The following HIVEP3 variants were observed in gnomAD, a reference collection of about 807,000 sequenced individuals.
The protein encoded by HIVEP3 is transcription factor HIVEP3.
Under a neutral mutation model 152.8 loss-of-function variants are expected in HIVEP3, and 49 were observed. That is an observed-to-expected ratio of 0.32 (90% CI 0.26 to 0.41). The LOEUF (loss-of-function observed/expected upper bound fraction) is 0.41, where lower values mean the gene tolerates loss of function less well. HIVEP3 is among the 10% of genes least tolerant of loss of function. The pLI is 1.00. For synonymous variants in HIVEP3, 1,269 were observed against 1,289.0 expected (o/e 0.98, Z 0.33); for missense variants, 2,790 against 3,103.3 (o/e 0.90, Z 2.40).
intron 1 of HIVEP3, among the ~76,000 whole-genome samples, chr1:42,022,694 A>G (rs1438160326): frequency 6.6e-6 from 1 of 152,184 alleles, no homozygotes; most frequent in Non-Finnish European, 1.5e-5. Flanking sequence ...CCACTTTTAT[A>G]TATCTCTTCT....
intron 1 of HIVEP3, among the ~76,000 whole-genome samples, chr1:41,916,126 T>A (rs1021879165): frequency 1.3e-5 from 2 of 152,196 alleles, no homozygotes; most frequent in African/African-American, 4.8e-5. Flanking sequence ...ACTAAATGCA[T>A]CTTCTTCTTG....
At chr1:41,520,005 T>A (rs1357709409) in intron 6 of HIVEP3, among the ~76,000 whole-genome samples, 1 of 151,856 alleles carries the variant, frequency 6.6e-6, no homozygotes. Flanking sequence ...GACAGAAGGA[T>A]GAAAGAATGG....
At chr1:41,614,779 T>G (rs1159153274) in intron 3 of HIVEP3, among the ~76,000 whole-genome samples, 6 of 152,184 alleles carry the variant, frequency 3.9e-5, no homozygotes, top group African/African-American at 1.4e-4. Flanking sequence ...TATACAGCAG[T>G]CAGAGGAAGA....
chr1:41,954,089 A>C (rs1291580950), intron 1 of HIVEP3, among the ~76,000 whole-genome samples: 5 of 152,176 alleles, frequency 3.3e-5, no homozygotes, highest in African/African-American at 1.2e-4. Flanking sequence ...CGCAGGGCCC[A>C]CCCGCAAGGT....
At chr1:41,720,063 G>A (rs941217921) in intron 1 of HIVEP3, among the ~76,000 whole-genome samples, 33 of 152,186 alleles carry the variant, frequency 2.2e-4, no homozygotes, top group African/African-American at 7.7e-4. Context: ...AGCTCCAGAG[G>A]CCCAGTTCTG....
chr1:41,520,880 G>A (rs1391022639), intron 6 of HIVEP3, among the ~76,000 whole-genome samples: 1 of 152,180 alleles, frequency 6.6e-6, no homozygotes, highest in Non-Finnish European at 1.5e-5. Flanking sequence ...CATTAGACAA[G>A]ATCACTGGCT....
intron 1 of HIVEP3, among the ~76,000 whole-genome samples, chr1:41,917,943 A>G (rs1644896685): frequency 6.6e-6 from 1 of 152,218 alleles, no homozygotes; most frequent in Non-Finnish European, 1.5e-5. Flanking sequence ...AACAATCCGG[A>G]GCAGCAGCCA....
intron 1 of HIVEP3, among the ~76,000 whole-genome samples, chr1:41,980,239 C>T (rs539060376): frequency 3.5e-4 from 53 of 152,258 alleles, no homozygotes; most frequent in African/African-American, 1.2e-3. Context: ...AATATGTCCA[C>T]GTAAAGACTT....
At chr1:41,937,717 G>A (rs1645026609) in intron 1 of HIVEP3, among the ~76,000 whole-genome samples, 1 of 152,218 alleles carries the variant, frequency 6.6e-6, no homozygotes, top group Non-Finnish European at 1.5e-5. Flanking sequence ...AGCCAGGCCT[G>A]AGGGTATCCC....
chr1:41,576,274 C>T (rs1644325994), intron 4 of HIVEP3, among the ~76,000 whole-genome samples: 1 of 152,222 alleles, frequency 6.6e-6, no homozygotes, highest in South Asian at 2.1e-4. Flanking sequence ...CCCTGACCAG[C>T]AGGACGTCCC....
At chr1:41,970,131 G>A (rs778911308) in intron 1 of HIVEP3, among the ~76,000 whole-genome samples, 30 of 152,184 alleles carry the variant, frequency 2.0e-4, no homozygotes, top group Non-Finnish European at 4.1e-4. Flanking sequence ...ACAGTGTGGT[G>A]ATTCCTCAAA....
At chr1:41,784,036 G>A (rs1352510944) in intron 1 of HIVEP3, among the ~76,000 whole-genome samples, 1 of 152,216 alleles carries the variant, frequency 6.6e-6, no homozygotes, top group African/African-American at 2.4e-5. Context: ...GGAGTAGGTA[G>A]GGAAGAAGGA....
At chr1:41,544,844 TACCACCACCACCACC>T (rs1309800542) in intron 5 of HIVEP3, among the ~76,000 whole-genome samples, 75 of 11,828 alleles carry the variant, frequency 6.3e-3, no homozygotes, top group East Asian at 0.016. Context: ...CCACCACCAC[TACCACCACCACCACC>T]ACCACCACCA....
At chr1:41,648,153 C>T (rs1363350252) in intron 2 of HIVEP3, among the ~76,000 whole-genome samples, 1 of 152,208 alleles carries the variant, frequency 6.6e-6, no homozygotes, top group African/African-American at 2.4e-5. Flanking sequence ...AACGAATGCC[C>T]GGGCCTCACC....
rs1463740666 is a variant in HIVEP3, at chr1:41,583,514, C to A, written c.1284G>T (p.Arg428=). Reference sequence around the variant, plus strand: ...TGGAGGTGGCTGTCAGCATGGCGGTCCGCTGTCCTATTCGCCCACACTTGC... The same window carrying A: ...TGGAGGTGGCTGTCAGCATGGCGGTACGCTGTCCTATTCGCCCACACTTGC... ...IFGKCGRIGQ[R]TAMLTATSTQ... Residue 428 remains arginine, a synonymous_variant, in exon 4 of 9, where the codon CGG becomes CGT. Transcript: ENST00000372583. The surrounding 1 kb of genome is among the most constrained non-coding windows in gnomAD (Gnocchi z 6.9). The A allele has an allele frequency of 1.8e-5, 29 of 1,613,866 alleles. No individual in the cohort carries two copies. The highest frequency in any genetic ancestry group is 2.4e-5 in the Non-Finnish European group (28 of 1,179,960).
rs769482131 is a variant in HIVEP3 at position 41,581,914 on chromosome 1, G to T, written c.2884C>A (p.Pro962Thr). The T allele has an allele frequency of 9.3e-6, 15 of 1,614,034 alleles. No homozygotes were observed. The Admixed American group carries it at 2.5e-4, about 27-fold the overall frequency. Residue 962 changes from proline to threonine, a missense_variant, in exon 4 of 9, where the codon CCC becomes ACC. Pro to Thr is a conservative substitution (Grantham distance 38). This residue lies in a region of HIVEP3 where 1,078 missense variants were observed against 1,165.3 expected (regional missense o/e 0.93). Transcript: ENST00000372583. The surrounding 1 kb of genome is among the most constrained non-coding windows in gnomAD (Gnocchi z 4.5). ...DDHGKAEAPS[P>T]SSDMRPKPLG... ...GGTTTGGGGCGCATGTCAGATGAGGGACTGGGGGCCTCGGCTTTCCCATGG... is the reference window on the plus strand; with the variant it reads ...GGTTTGGGGCGCATGTCAGATGAGGTACTGGGGGCCTCGGCTTTCCCATGG...
At chr1:41,579,045 A>G (rs909722235) in intron 4 of HIVEP3, among the ~76,000 whole-genome samples, 11 of 152,218 alleles carry the variant, frequency 7.2e-5, no homozygotes, top group African/African-American at 2.7e-4. Flanking sequence ...AGTTCATTTT[A>G]TAGCTCCTGA....
intron 1 of HIVEP3, among the ~76,000 whole-genome samples, chr1:41,839,264 T>A (rs572156150): frequency 8.5e-5 from 13 of 152,190 alleles, no homozygotes; most frequent in African/African-American, 2.7e-4. Flanking sequence ...CCCACCTCTG[T>A]TACTGGCTCT....
intron 2 of HIVEP3, among the ~76,000 whole-genome samples, chr1:41,689,788 G>A (rs1300431792): frequency 1.3e-5 from 2 of 152,230 alleles, no homozygotes; most frequent in Admixed American, 1.3e-4. Flanking sequence ...CCTTAGAAGT[G>A]CCAAGACAAG....
Sources: allele counts gnomAD v4.1 joint callset (sites outside exome capture counted in the v4.1 genomes callset), GRCh38; gene constraint gnomAD v4.1.1; regional missense constraint gnomAD v4.1.1; non-coding constraint Gnocchi (gnomAD v3.1); transcripts MANE v1.5; gene names NCBI Gene and HGNC (gene_info 2026-07-23, HGNC 2026-07-21).